KCNB2: variants seen among roughly 807,000 people sequenced by gnomAD.
The protein encoded by KCNB2 is potassium voltage-gated channel subfamily B member 2.
In KCNB2, 15 loss-of-function variants were observed where a neutral mutation model predicts 61.5. The observed-to-expected ratio is 0.24, with a 90% CI of 0.16 to 0.38. KCNB2 has a LOEUF of 0.38. Among genes scored for constraint, KCNB2 ranks in the 10% least tolerant of loss-of-function variants. The probability of loss-of-function intolerance (pLI) is 1.00; values close to 1 mark genes in which losing one functional copy is unlikely to be tolerated. For synonymous variants in KCNB2, 457 were observed against 446.0 expected (o/e 1.02, Z -0.31); for missense variants, 828 against 1,125.2 (o/e 0.74, Z 3.78).
chr8:72,839,846 C>T (rs972532059), intron 2 of KCNB2, among the ~76,000 whole-genome samples: 6 of 151,840 alleles, frequency 4.0e-5, no homozygotes, highest in South Asian at 2.1e-4. Context: ...ATCTCCTGAC[C>T]TCGTGATCCA....
intron 2 of KCNB2, among the ~76,000 whole-genome samples, chr8:72,617,579 G>T (rs1175669743): frequency 1.4e-5 from 2 of 142,152 alleles, no homozygotes; most frequent in Admixed American, 1.5e-4. Flanking sequence ...GTCAGTATAG[G>T]CTAGCATCAC....
intron 2 of KCNB2, among the ~76,000 whole-genome samples, chr8:72,586,553 A>T (rs2128981024): frequency 6.6e-6 from 1 of 152,356 alleles, no homozygotes; most frequent in African/African-American, 2.4e-5. Context: ...GCAGAAGGAC[A>T]TGATGTCTGG....
chr8:72,675,936 C>CAAA (rs1806646774), intron 2 of KCNB2, among the ~76,000 whole-genome samples: 2 of 151,914 alleles, frequency 1.3e-5, no homozygotes, highest in African/African-American at 4.8e-5. Flanking sequence ...TCAAGACAGA[C>CAAA]AAAAAATGCT....
At chr8:72,932,810 A>C (rs1047552122) in intron 2 of KCNB2, among the ~76,000 whole-genome samples, 4 of 152,182 alleles carry the variant, frequency 2.6e-5, no homozygotes, top group Admixed American at 2.6e-4. Context: ...CTCAAGCTTA[A>C]AGCAAAATTT....
intron 2 of KCNB2, among the ~76,000 whole-genome samples, chr8:72,642,378 AT>A (rs1205002166): frequency 1.3e-5 from 2 of 152,092 alleles, no homozygotes; most frequent in Non-Finnish European, 2.9e-5. Flanking sequence ...TTAAAATGGC[AT>A]ATGTGGCTTC....
In KCNB2 at chr8:72,932,069, T is replaced by C. The variant is rs182158684; in HGVS notation, c.580-3866T>C. Reference sequence around the variant, plus strand: ...CAGTGAGATTCTAACCTGTGAATGGTTGTGGTAAGTAAAGCAATACCTAAG... The same window carrying C: ...CAGTGAGATTCTAACCTGTGAATGGCTGTGGTAAGTAAAGCAATACCTAAG... On this transcript the variant is annotated intron_variant, in intron 2 of 2. Transcript: ENST00000523207. Among the ~76,000 whole-genome samples, 166 of 151,920 alleles carry C rather than the reference T, an allele frequency of 1.1e-3. 1 individual carries two copies. Among genetic ancestry groups the C allele is most frequent in the Non-Finnish European group, 1.7e-3 (116 of 67,962 alleles).
chr8:72,717,216 T>C (rs1336307391), intron 2 of KCNB2, among the ~76,000 whole-genome samples: 2 of 152,200 alleles, frequency 1.3e-5, no homozygotes, highest in Non-Finnish European at 2.9e-5. Flanking sequence ...AGAATCAATA[T>C]TGTGAAAATG....
At chr8:72,609,630 CA>C (rs1476408940) in intron 2 of KCNB2, among the ~76,000 whole-genome samples, 1 of 152,068 alleles carries the variant, frequency 6.6e-6, no homozygotes, top group Non-Finnish European at 1.5e-5. Flanking sequence ...TTGGAATTTA[CA>C]TCAGAATCTG....
intron 2 of KCNB2, among the ~76,000 whole-genome samples, chr8:72,681,206 A>T (rs1469760621): frequency 2.0e-5 from 3 of 152,338 alleles, no homozygotes; most frequent in Non-Finnish European, 2.9e-5. Flanking sequence ...TTAAACTTGA[A>T]GAAACAGTGT....
intron 2 of KCNB2, among the ~76,000 whole-genome samples, chr8:72,849,969 C>T (rs543607082): frequency 3.4e-4 from 51 of 152,108 alleles, no homozygotes; most frequent in African/African-American, 1.2e-3. Context: ...GAATCATGTG[C>T]ATTGTGAGGG....
chr8:72,794,673 A>G (rs773143876), intron 2 of KCNB2, among the ~76,000 whole-genome samples: 3 of 152,052 alleles, frequency 2.0e-5, no homozygotes, highest in Non-Finnish European at 2.9e-5. Context: ...ATACATATGT[A>G]GAATCTGTCA....
intron 2 of KCNB2, among the ~76,000 whole-genome samples, chr8:72,782,504 A>G (rs1007305977): frequency 1.3e-5 from 2 of 152,098 alleles, no homozygotes; most frequent in Non-Finnish European, 2.9e-5. Context: ...ACTGAGGTTA[A>G]TAGAGGTTTG....
intron 2 of KCNB2, among the ~76,000 whole-genome samples, chr8:72,673,402 TTCTCCTTCCTGCCACCATGTGAAGAAA>T (rs2128988358): frequency 6.6e-6 from 1 of 152,322 alleles, no homozygotes; most frequent in African/African-American, 2.4e-5. Context: ...GCACTTGTTC[TTCTCCTTCCTGCCACCATGTGAAGAAA>T]AACATGTTTG....
chr8:72,873,577 G>A (rs1231859990), intron 2 of KCNB2, among the ~76,000 whole-genome samples: 2 of 152,204 alleles, frequency 1.3e-5, no homozygotes, highest in African/African-American at 2.4e-5. Flanking sequence ...CTATCCATAA[G>A]GGCCTCTGGC....
intron 2 of KCNB2, among the ~76,000 whole-genome samples, chr8:72,745,863 A>G (rs1002988701): frequency 6.3e-4 from 96 of 152,162 alleles, no homozygotes; most frequent in African/African-American, 2.1e-3. Context: ...ATTTGCATAA[A>G]CTATCAGGCA....
intron 2 of KCNB2, among the ~76,000 whole-genome samples, chr8:72,630,978 T>C (rs1160123263): frequency 6.6e-6 from 1 of 152,172 alleles, no homozygotes; most frequent in Non-Finnish European, 1.5e-5. Context: ...AAACTATAGA[T>C]AGTACTGAAC....
intron 2 of KCNB2, among the ~76,000 whole-genome samples, chr8:72,924,196 A>G (rs983817769): frequency 1.3e-5 from 2 of 152,202 alleles, no homozygotes; most frequent in African/African-American, 4.8e-5. Context: ...GTGGAATTAG[A>G]GACCACGTCA....
intron 2 of KCNB2, among the ~76,000 whole-genome samples, chr8:72,740,602 G>A (rs2253662): frequency 0.16 from 24,577 of 152,140 alleles, 2,371 homozygotes; most frequent in African/African-American, 0.26. Flanking sequence ...AAAGGAAGGG[G>A]CAGAGCAGGA....
intron 2 of KCNB2, among the ~76,000 whole-genome samples, chr8:72,600,388 A>G (rs919049977): frequency 2.7e-4 from 41 of 152,120 alleles, no homozygotes; most frequent in Non-Finnish European, 5.9e-5. Flanking sequence ...GTGGGAATTG[A>G]ACAATGAGAA....
Sources: allele counts gnomAD v4.1 joint callset (sites outside exome capture counted in the v4.1 genomes callset), GRCh38; gene constraint gnomAD v4.1.1; transcripts MANE v1.5; gene names NCBI Gene and HGNC (gene_info 2026-07-23, HGNC 2026-07-21).